PCDHGA5: variants seen among roughly 807,000 people sequenced by gnomAD.
PCDHGA5 encodes the protein protocadherin gamma subfamily A, 5.
A neutral mutation model predicts 56.7 loss-of-function variants in PCDHGA5; 36 were observed. The ratio of observed to expected loss-of-function variants is 0.64; its 90% confidence interval spans 0.49 to 0.84. The LOEUF (loss-of-function observed/expected upper bound fraction) is 0.84. Ranked by LOEUF, PCDHGA5 falls within the 40% of genes least tolerant of loss-of-function variation. PCDHGA5 has a pLI of 0.00. For synonymous variants in PCDHGA5, 563 were observed against 520.2 expected (o/e 1.08, Z -1.12); for missense variants, 1,305 against 1,201.5 (o/e 1.09, Z -1.27).
chr5:141,507,849 C>CA (rs2099864208), intron 3 of PCDHGA5, among the ~76,000 whole-genome samples: 1 of 152,222 alleles, frequency 6.6e-6, no homozygotes, highest in African/African-American at 2.4e-5. Flanking sequence ...GCCCTGCTCT[C>CA]ACTTTCACAC....
chr5:141,374,004 G>A (rs1770021331), intron 1 of PCDHGA5: 3 of 1,327,578 alleles, frequency 2.3e-6, no homozygotes, highest in African/African-American at 1.5e-5. Flanking sequence ...GACCTTCACC[G>A]CTATTTCTGA....
chr5:141,377,133 G>A (rs1013848288), intron 1 of PCDHGA5: 25 of 152,138 alleles, frequency 1.6e-4, no homozygotes, highest in African/African-American at 5.8e-4. Flanking sequence ...ATTTTGTGGG[G>A]GAAAATAATG....
chr5:141,496,888 T>TA (rs35063790), intron 2 of PCDHGA5, among the ~76,000 whole-genome samples: 34,968 of 133,936 alleles, frequency 0.26, 4,377 homozygotes, highest in Admixed American at 0.34. Flanking sequence ...AAGTAACACT[T>TA]AAAAAAAAAA....
Position 141,431,248 on chromosome 5 carries a change from G to A in PCDHGA5, c.2422-63559G>A. ...CCCACGCCTGGGATCCGGATATCGGGAAGAACTCTCTGCAGAGCTACGAGC... is the reference window on the plus strand; with the variant it reads ...CCCACGCCTGGGATCCGGATATCGGAAAGAACTCTCTGCAGAGCTACGAGC... On this transcript the variant is annotated intron_variant, in intron 1 of 3. Transcript: ENST00000518069. This position sits in a 1 kb window ranked among gnomAD's most constrained non-coding sequence, Gnocchi z 4.8. 2 of 1,614,140 alleles carry A rather than the reference G, an allele frequency of 1.2e-6. No homozygotes were observed. Among genetic ancestry groups the A allele is most frequent in the Non-Finnish European group, 1.7e-6 (2 of 1,180,048 alleles).
intron 1 of PCDHGA5, among the ~76,000 whole-genome samples, chr5:141,438,615 TATATATATATATATATATATACACACAC>T (rs2098021754): frequency 1.1e-4 from 4 of 35,920 alleles, no homozygotes; most frequent in Non-Finnish European, 1.8e-4. Flanking sequence ...TATATATATA[TATATATATATATATATATATACACACAC>T]ACACACACAT....
chr5:141,398,937 C>A, intron 1 of PCDHGA5: 1 of 1,613,902 alleles, frequency 6.2e-7, no homozygotes. Context: ...CTGACCAAGA[C>A]GAGGGCATCA....
At chr5:141,414,781 G>A (rs755811755) in intron 1 of PCDHGA5, 1 of 1,614,230 alleles carries the variant, frequency 6.2e-7, no homozygotes, top group Admixed American at 1.7e-5. Context: ...ACAGATGCAG[G>A]TGACAGCCAG....
chr5:141,409,018 G>A (rs369210340), intron 1 of PCDHGA5: 31 of 1,613,814 alleles, frequency 1.9e-5, no homozygotes, highest in Non-Finnish European at 2.5e-5. Context: ...AGGATGAGGG[G>A]GTCAATGCTG....
chr5:141,428,057 G>C (rs766786963), intron 1 of PCDHGA5: 2 of 1,609,044 alleles, frequency 1.2e-6, no homozygotes, highest in East Asian at 2.2e-5. Flanking sequence ...AGGTGGTGGC[G>C]GTGGACGCAG....
intron 1 of PCDHGA5, chr5:141,422,970 C>T (rs1348343583): frequency 1.2e-6 from 2 of 1,614,246 alleles, no homozygotes; most frequent in East Asian, 2.2e-5. Flanking sequence ...TGGCGCCCCG[C>T]TCTGCGGAAC....
intron 1 of PCDHGA5, chr5:141,393,977 T>C (rs1014126865): frequency 1.9e-6 from 3 of 1,613,870 alleles, no homozygotes; most frequent in Non-Finnish European, 2.5e-6. Flanking sequence ...ACACACGTGA[T>C]AATTTACCTT....
chr5:141,430,458 A>G, intron 1 of PCDHGA5: 1 of 204,230 alleles, frequency 4.9e-6, no homozygotes, highest in Non-Finnish European at 9.7e-6. Context: ...GAAGAACAGT[A>G]GGTGGAGCTA....
At chr5:141,510,534 C>T (rs1187165551) in intron 3 of PCDHGA5, among the ~76,000 whole-genome samples, 2 of 152,126 alleles carry the variant, frequency 1.3e-5, no homozygotes, top group African/African-American at 2.4e-5. Context: ...AGAGAAATAC[C>T]AGCGAATGTG....
Position 141,432,837 on chromosome 5 carries a change from T to C in PCDHGA5, c.2422-61970T>C. On this transcript the variant is annotated intron_variant, in intron 1 of 3. Transcript: ENST00000518069. This position sits in a 1 kb window ranked among gnomAD's most constrained non-coding sequence, Gnocchi z 6.0. ...GAAACCTCAGACCTCACTCTGTACC[T>C]GGTGGTAGCGGTGGCCGCGGTCTCC... The C allele has an allele frequency of 6.2e-7, 1 of 1,614,180 alleles. No individual in the cohort carries two copies. Among genetic ancestry groups the C allele is most frequent in the Non-Finnish European group, 8.5e-7 (1 of 1,180,004 alleles).
intron 1 of PCDHGA5, chr5:141,414,815 G>T (rs1437985019): frequency 2.2e-5 from 35 of 1,614,236 alleles, no homozygotes; most frequent in Non-Finnish European, 2.9e-5. Flanking sequence ...CCTCCACTCA[G>T]CAGCAACGTG....
chr5:141,409,041 A>G lies in PCDHGA5; in HGVS notation c.2421+42290A>G, dbSNP rs981171621. On this transcript the variant is annotated intron_variant, in intron 1 of 3. Coordinates refer to ENST00000518069, the MANE Select transcript of PCDHGA5 (RefSeq NM_018918.3). ...GGGGTCAATGCTGAGATAAACTACT[A>G]CTTCCGAAGCACTGCCCAGAGCACA... The G allele has an allele frequency of 8.7e-6, 14 of 1,613,864 alleles. No homozygotes were observed. Among genetic ancestry groups the G allele is most frequent in the Non-Finnish European group, 7.6e-6 (9 of 1,179,894 alleles).
intron 1 of PCDHGA5, chr5:141,400,367 C>A (rs372561902): frequency 6.8e-5 from 110 of 1,613,946 alleles, no homozygotes; most frequent in Non-Finnish European, 8.8e-5. Flanking sequence ...TTGCCTTATT[C>A]CTACAACCTA....
At chr5:141,379,474 T>C (rs1775619669) in intron 1 of PCDHGA5, 1 of 152,258 alleles carries the variant, frequency 6.6e-6, no homozygotes, top group Non-Finnish European at 1.5e-5. Context: ...AGTGTGAATG[T>C]TATTTTACTA....
In PCDHGA5 at chr5:141,489,621, T is replaced by C. The variant is rs765666746; in HGVS notation, c.2422-5186T>C. 29 of 1,613,978 alleles carry C rather than the reference T, an allele frequency of 1.8e-5. No individual in the cohort carries two copies. The highest frequency in any genetic ancestry group is 1.6e-4 in the Middle Eastern group (1 of 6,084). On this transcript the variant is annotated intron_variant, in intron 1 of 3. Transcript: ENST00000518069. The surrounding 1 kb of genome is among the most constrained non-coding windows in gnomAD (Gnocchi z 4.5). ...TAGAGGTAGAGATCCTGGATCTCAATGACAACTCTCCTAGCTTTGCCACCC... is the reference window on the plus strand; with the variant it reads ...TAGAGGTAGAGATCCTGGATCTCAACGACAACTCTCCTAGCTTTGCCACCC...
Sources: gnomAD v4.1 joint callset for allele counts (sites outside exome capture counted in the v4.1 genomes callset) on GRCh38, gnomAD v4.1.1 for gene constraint, Gnocchi (gnomAD v3.1) non-coding constraint, MANE v1.5 for transcripts, NCBI Gene and HGNC (gene_info 2026-07-23, HGNC 2026-07-21) for gene names.